MID1: variants seen among roughly 807,000 people sequenced by gnomAD.
MID1 encodes E3 ubiquitin-protein ligase Midline-1.
A neutral mutation model predicts 40.4 loss-of-function variants in MID1; 7 were observed. That is an observed-to-expected ratio of 0.17 (90% CI 0.10 to 0.33). The LOEUF (loss-of-function observed/expected upper bound fraction) is 0.33, where lower values mean the gene tolerates loss of function less well. Ranked by LOEUF, MID1 falls within the 10% of genes least tolerant of loss-of-function variation. MID1 has a pLI of 1.00. For missense variants in MID1, 367 were observed against 558.5 expected, an observed-to-expected ratio of 0.66 and a Z score of 3.46; for synonymous variants, 229 against 221.2, an observed-to-expected ratio of 1.04 and a Z score of -0.31.
chrX:10,628,119 T>C (rs1936014075), intron 1 of MID1, among the ~76,000 whole-genome samples: 1 of 111,098 alleles, frequency 9.0e-6, no homozygotes, highest in South Asian at 3.8e-4. Context: ...GGAAATAATA[T>C]TTACCCTTAT....
intron 1 of MID1, among the ~76,000 whole-genome samples, chrX:10,746,555 G>T (rs2043558223): frequency 9.0e-6 from 1 of 111,308 alleles, no homozygotes; most frequent in African/African-American, 3.3e-5. Flanking sequence ...TGAAGATTTT[G>T]GTCTGTCAAA....
intron 5 of MID1, 29 bp downstream of exon 5, chrX:10,482,451 G>A (rs374782303): frequency 8.3e-6 from 10 of 1,203,906 alleles, no homozygotes; most frequent in South Asian, 1.8e-5. Flanking sequence ...CCCAGCAGCC[G>A]AGAAATTCCC....
intron 1 of MID1, among the ~76,000 whole-genome samples, chrX:10,675,686 T>C (rs2043018408): frequency 9.0e-6 from 1 of 111,617 alleles, no homozygotes; most frequent in South Asian, 3.7e-4. Context: ...ATATAAGTAA[T>C]ATAAATAATG....
At chrX:10,568,513 G>T (rs951953750) in intron 1 of MID1, among the ~76,000 whole-genome samples, 9 of 111,316 alleles carry the variant, frequency 8.1e-5, no homozygotes, top group African/African-American at 2.9e-4. Context: ...AATTTAAGGA[G>T]GCTTACAAAA....
rs1039674215 is a variant in MID1, at chrX:10,633,553, G to A, written c.-186-13134C>T. Among the ~76,000 whole-genome samples the A allele has an allele frequency of 3.6e-5, 4 of 110,654 alleles. No homozygotes were observed. The Admixed American group carries it at 3.9e-4, about 11-fold the overall frequency. ...GCCTCAATCAACCTCCCAGGCCCAA[G>A]CAATCCTCCTACCTCAGCCTCCAGA... On this transcript the variant is annotated intron_variant, in intron 1 of 10. Coordinates refer to the MID1 transcript ENST00000380785.
chrX:10,546,077 C>T (rs1024029511), intron 2 of MID1, among the ~76,000 whole-genome samples: 1 of 111,622 alleles, frequency 9.0e-6, no homozygotes, highest in Non-Finnish European at 1.9e-5. Context: ...TAAGACTTTA[C>T]AAGACAAATG....
At chrX:10,476,777 G>A (rs1466945106) in intron 5 of MID1, among the ~76,000 whole-genome samples, 2 of 111,718 alleles carry the variant, frequency 1.8e-5, no homozygotes, top group East Asian at 2.8e-4. Context: ...GCAGAGTTGA[G>A]TGCTTTTGTT....
chrX:10,535,621 A>G (rs140289960), intron 2 of MID1, among the ~76,000 whole-genome samples: 1,463 of 111,938 alleles, frequency 0.013, 10 homozygotes, highest in Non-Finnish European at 0.02. Context: ...AGAGCTACTG[A>G]ATGGTCACCT....
At position 10,670,717 on chromosome X, in the gene MID1, A is replaced by G. The variant is rs201842820; in HGVS notation, c.-186-50298T>C. On this transcript the variant is annotated intron_variant, in intron 1 of 10. Coordinates refer to the MID1 transcript ENST00000380785. Reference sequence around the variant, plus strand: ...AGCAGAGTGAGAGACCTTGGGATTCAAATTTCACCCTGCCATTATTTTATA... The same window carrying G: ...AGCAGAGTGAGAGACCTTGGGATTCGAATTTCACCCTGCCATTATTTTATA... 3.2e-3 allele frequency among the ~76,000 whole-genome samples: 363 copies of G among 112,475 alleles called. 2 individuals are homozygous for G. Among genetic ancestry groups the G allele is most frequent in the African/African-American group, 0.011 (348 of 30,967 alleles).
intron 1 of MID1, among the ~76,000 whole-genome samples, chrX:10,730,063 A>G (rs769149224): frequency 6.5e-4 from 69 of 106,773 alleles, no homozygotes; most frequent in African/African-American, 2.1e-3. Flanking sequence ...CAGCCTGGGC[A>G]ACAGAGCGAG....
intron 1 of MID1, among the ~76,000 whole-genome samples, chrX:10,597,038 CA>C (rs907967511): frequency 1.1e-4 from 11 of 103,393 alleles, no homozygotes; most frequent in Non-Finnish European, 2.2e-4. Context: ...ATGTTGAAGG[CA>C]AAAAAAAAGA....
chrX:10,635,562 A>G (rs934398506), intron 1 of MID1, among the ~76,000 whole-genome samples: 2 of 111,814 alleles, frequency 1.8e-5, no homozygotes, highest in Admixed American at 9.5e-5. Context: ...TATGCCTTCT[A>G]TAAGAATGCA....
intron 1 of MID1, among the ~76,000 whole-genome samples, chrX:10,619,793 T>C (rs1277480136): frequency 8.9e-6 from 1 of 112,319 alleles, no homozygotes; most frequent in East Asian, 2.8e-4. Flanking sequence ...CTGGAAGGAC[T>C]GTCTGTGCTC....
chrX:10,470,895 C>A (rs1258663908), intron 6 of MID1, among the ~76,000 whole-genome samples: 3 of 112,043 alleles, frequency 2.7e-5, no homozygotes, highest in Non-Finnish European at 5.6e-5. Context: ...GAGGGGTTGG[C>A]AAACTGTGAC....
intron 1 of MID1, among the ~76,000 whole-genome samples, chrX:10,790,392 CCT>C (rs1009064606): frequency 9.1e-6 from 1 of 110,224 alleles, no homozygotes; most frequent in African/African-American, 3.3e-5. Context: ...ATTTTCCACC[CCT>C]CTCTCCCCTG....
chrX:10,614,441 T>C (rs778486735), intron 1 of MID1, among the ~76,000 whole-genome samples: 1 of 112,130 alleles, frequency 8.9e-6, no homozygotes, highest in South Asian at 3.7e-4. Flanking sequence ...TGCCCCCAAA[T>C]ATTGTCCCTG....
chrX:10,636,443 T>C (rs1236306890), intron 1 of MID1, among the ~76,000 whole-genome samples: 1 of 110,425 alleles, frequency 9.1e-6, no homozygotes, highest in Non-Finnish European at 1.9e-5. Flanking sequence ...GGGAACTGCA[T>C]TGAGGAAGGA....
intron 1 of MID1, among the ~76,000 whole-genome samples, chrX:10,745,822 G>A (rs953879808): frequency 1.8e-5 from 2 of 112,408 alleles, no homozygotes; most frequent in African/African-American, 6.5e-5. Flanking sequence ...AAGAATTGGT[G>A]TTGTGACTGG....
At chrX:10,467,955 A>C (rs1050880228) in intron 7 of MID1, among the ~76,000 whole-genome samples, 2 of 111,593 alleles carry the variant, frequency 1.8e-5, no homozygotes, top group African/African-American at 6.5e-5. Flanking sequence ...GCTTATGATG[A>C]CATAGCTGTC....
Sources: allele counts gnomAD v4.1 joint callset (sites outside exome capture counted in the v4.1 genomes callset), GRCh38; gene constraint gnomAD v4.1.1; transcripts MANE v1.5; gene names NCBI Gene and HGNC (gene_info 2026-07-23, HGNC 2026-07-21).